Variants in KCND2 observed in about 807,000 individuals in gnomAD.
KCND2 encodes A-type voltage-gated potassium channel KCND2.
Under a neutral mutation model 54.4 loss-of-function variants are expected in KCND2, and 16 were observed. The observed-to-expected ratio is 0.29, with a 90% CI of 0.20 to 0.45. The LOEUF (loss-of-function observed/expected upper bound fraction) is 0.45, where lower values mean the gene tolerates loss of function less well. KCND2 is among the 20% of genes least tolerant of loss of function. The pLI, the probability that KCND2 is intolerant of heterozygous loss-of-function variation, is 1.00. For missense variants in KCND2, 486 were observed against 824.2 expected, an observed-to-expected ratio of 0.59 and a Z score of 5.02; for synonymous variants, 317 against 310.7, an observed-to-expected ratio of 1.02 and a Z score of -0.21.
At chr7:120,724,537 G>A (rs1792707897) in intron 1 of KCND2, among the ~76,000 whole-genome samples, 1 of 152,184 alleles carries the variant, frequency 6.6e-6, no homozygotes, top group Non-Finnish European at 1.5e-5. Flanking sequence ...GTGTATGTGG[G>A]TGAACAGTGG....
At chr7:120,561,491 G>A (rs1792231859) in intron 1 of KCND2, among the ~76,000 whole-genome samples, 1 of 151,634 alleles carries the variant, frequency 6.6e-6, no homozygotes, top group Non-Finnish European at 1.5e-5. Context: ...TACAGGTGAG[G>A]AAACAGATTC....
At chr7:120,345,998 C>G (rs1169692168) in intron 1 of KCND2, among the ~76,000 whole-genome samples, 1 of 152,078 alleles carries the variant, frequency 6.6e-6, no homozygotes, top group Non-Finnish European at 1.5e-5. Flanking sequence ...ACATACTCAC[C>G]AACACTTGTT....
intron 1 of KCND2, among the ~76,000 whole-genome samples, chr7:120,415,404 A>G (rs888805436): frequency 3.3e-5 from 5 of 152,194 alleles, no homozygotes; most frequent in African/African-American, 7.2e-5. Context: ...CCCCGCCTGC[A>G]TCTGCACTAT....
chr7:120,653,024 CAGT>C (rs983441008), intron 1 of KCND2, among the ~76,000 whole-genome samples: 26 of 151,986 alleles, frequency 1.7e-4, no homozygotes, highest in African/African-American at 6.3e-4. Context: ...ATCCACTAAA[CAGT>C]GGTGTGTGTG....
chr7:120,676,813 T>G (rs1173034186), intron 1 of KCND2, among the ~76,000 whole-genome samples: 2 of 152,180 alleles, frequency 1.3e-5, no homozygotes, highest in Non-Finnish European at 2.9e-5. Context: ...AAATGCTAAC[T>G]AATACAACCA....
chr7:120,631,029 CTTTCAAAACTG>C, intron 1 of KCND2, among the ~76,000 whole-genome samples: 1 of 152,262 alleles, frequency 6.6e-6, no homozygotes, highest in East Asian at 1.9e-4. Flanking sequence ...CTAACAACTG[CTTTCAAAACTG>C]TTGATAGCAA....
intron 1 of KCND2, among the ~76,000 whole-genome samples, chr7:120,569,046 T>C (rs1792332018): frequency 6.6e-6 from 1 of 151,994 alleles, no homozygotes; most frequent in South Asian, 2.1e-4. Context: ...GAGTGAAAAA[T>C]AAAATGTTAA....
intron 1 of KCND2, among the ~76,000 whole-genome samples, chr7:120,352,273 G>A (rs1800421162): frequency 6.6e-6 from 1 of 151,754 alleles, no homozygotes; most frequent in South Asian, 2.1e-4. Flanking sequence ...CATTAACCCT[G>A]TCTATATCAA....
At chr7:120,393,091 T>A (rs1409844294) in intron 1 of KCND2, among the ~76,000 whole-genome samples, 1 of 152,052 alleles carries the variant, frequency 6.6e-6, no homozygotes, top group Non-Finnish European at 1.5e-5. Flanking sequence ...TCTTCTTATG[T>A]TTTCTAAACT....
intron 1 of KCND2, among the ~76,000 whole-genome samples, chr7:120,523,892 A>T (rs1481590087): frequency 1.3e-5 from 2 of 151,820 alleles, no homozygotes; most frequent in Non-Finnish European, 2.9e-5. Context: ...AATTGTTAAA[A>T]ATCAATATTT....
At chr7:120,398,942 C>G (rs574611478) in intron 1 of KCND2, among the ~76,000 whole-genome samples, 1 of 151,956 alleles carries the variant, frequency 6.6e-6, no homozygotes, top group African/African-American at 2.4e-5. Context: ...GATAAACCAA[C>G]CAGCTTGTTA....
chr7:120,585,331 C>T (rs1156388766), intron 1 of KCND2, among the ~76,000 whole-genome samples: 2 of 152,010 alleles, frequency 1.3e-5, no homozygotes, highest in African/African-American at 2.4e-5. Flanking sequence ...GAGTGTGGGA[C>T]AGGAGATAGT....
At chr7:120,291,464 T>C (rs1466922479) in intron 1 of KCND2, among the ~76,000 whole-genome samples, 2 of 151,928 alleles carry the variant, frequency 1.3e-5, no homozygotes, top group African/African-American at 4.8e-5. Flanking sequence ...ATTTAACAAC[T>C]TGAACACAAT....
intron 1 of KCND2, among the ~76,000 whole-genome samples, chr7:120,578,864 AGATT>A (rs1212849940): frequency 1.3e-5 from 2 of 151,776 alleles, no homozygotes; most frequent in Non-Finnish European, 2.9e-5. Context: ...GACTGAGCCA[AGATT>A]GATTGCGCCA....
At chr7:120,541,004 A>G (rs1791973501) in intron 1 of KCND2, among the ~76,000 whole-genome samples, 2 of 152,208 alleles carry the variant, frequency 1.3e-5, no homozygotes, top group Non-Finnish European at 2.9e-5. Flanking sequence ...ATAATTCAGG[A>G]TATGAAAACG....
At chr7:120,520,615 A>G (rs1377337766) in intron 1 of KCND2, among the ~76,000 whole-genome samples, 2 of 152,256 alleles carry the variant, frequency 1.3e-5, no homozygotes, top group East Asian at 3.9e-4. Context: ...AATATATAAT[A>G]GAGGCAAATG....
At chr7:120,660,383 AAAAC>A (rs1791851352) in intron 1 of KCND2, among the ~76,000 whole-genome samples, 1 of 152,238 alleles carries the variant, frequency 6.6e-6, no homozygotes, top group South Asian at 2.1e-4. Flanking sequence ...TTCTCTAACT[AAAAC>A]AAAAGTGAAT....
chr7:120,700,117 T>C (rs1792381905), intron 1 of KCND2, among the ~76,000 whole-genome samples: 1 of 151,918 alleles, frequency 6.6e-6, no homozygotes, highest in Admixed American at 6.6e-5. Context: ...AAGAAAAAAA[T>C]AAATCAGAAA....
At chr7:120,308,633 G>A (rs1799683555) in intron 1 of KCND2, among the ~76,000 whole-genome samples, 1 of 152,132 alleles carries the variant, frequency 6.6e-6, no homozygotes, top group African/African-American at 2.4e-5. Context: ...ACTGATTAGA[G>A]ATACATGCCC....
Sources: allele counts gnomAD v4.1 joint callset (sites outside exome capture counted in the v4.1 genomes callset), GRCh38; gene constraint gnomAD v4.1.1; transcripts MANE v1.5; gene names NCBI Gene and HGNC (gene_info 2026-07-23, HGNC 2026-07-21).